PPP1R16A: variants seen among roughly 807,000 people sequenced by gnomAD.
PPP1R16A encodes myosin phosphatase-targeting subunit 3.
In PPP1R16A, 39 loss-of-function variants were observed where a neutral mutation model predicts 46.6. The ratio of observed to expected loss-of-function variants is 0.84; its 90% CI spans 0.65 to 1.09. The LOEUF is 1.09. Among genes scored for constraint, PPP1R16A ranks in the 50% least tolerant of loss-of-function variants. PPP1R16A has a pLI of 0.00. For missense variants in PPP1R16A, 798 were observed against 735.6 expected (o/e 1.08, Z -0.98); for synonymous variants, 413 against 321.5 (o/e 1.28, Z -3.04).
In PPP1R16A at chr8:144,498,847, C is replaced by G. The variant is rs11776723; in HGVS notation, c.330+7C>G. 4 of 1,611,238 alleles carry G rather than the reference C, an allele frequency of 2.5e-6. No individual in the cohort carries two copies. The African/African-American group carries it at 5.3e-5, about 22-fold the overall frequency. ...CCTGACGGCCCTGCACCAGGTCAGCCTGCACTGGGTGTGGGCAGGGTGGGG... is the reference window on the plus strand; with the variant it reads ...CCTGACGGCCCTGCACCAGGTCAGCGTGCACTGGGTGTGGGCAGGGTGGGG... On this transcript the variant is annotated splice_region_variant and intron_variant, in intron 4 of 11. Coordinates refer to ENST00000435887, the MANE Select transcript of PPP1R16A (RefSeq NM_001329443.2).
intron 2 of PPP1R16A, among the ~76,000 whole-genome samples, chr8:144,495,156 G>A (rs1825996982): frequency 6.6e-6 from 1 of 152,198 alleles, no homozygotes; most frequent in Non-Finnish European, 1.5e-5. Context: ...CTGAGGCTAG[G>A]CCTACAGGGG....
In PPP1R16A at chr8:144,501,207, G is replaced by GC; in HGVS notation, c.1117dup (p.Gln373ProfsTer16). The GC allele has an allele frequency of 6.2e-7, 1 of 1,608,762 alleles. No homozygotes were observed. The highest frequency in any genetic ancestry group is 1.3e-5 in the African/African-American group (1 of 74,980). On this transcript the variant is annotated frameshift_variant, in exon 11 of 12. Transcript: ENST00000435887. LOFTEE classifies it high-confidence loss of function. ...AGCACGCCCAGGAGGCCATCGTGTGGCAACAGCCGCCGCCCACCAGCCCGG... is the reference window on the plus strand; with the variant it reads ...AGCACGCCCAGGAGGCCATCGTGTGGCCAACAGCCGCCGCCCACCAGCCCGG...
chr8:144,501,437 C>T (rs1182461843), intron 11 of PPP1R16A, 83 bp from the exon 12 acceptor site: 2 of 1,478,244 alleles, frequency 1.4e-6, no homozygotes, highest in South Asian at 1.4e-5. Flanking sequence ...CCTGTCTGTC[C>T]CTTCATGACC....
rs978084650 is a variant in PPP1R16A at position 144,493,892 on chromosome 8, G to T, written c.-734-2569G>T. ...CCCTGTGAGCCGTGCTGGGTGGGGT[G>T]GGGGAGGTAGAGCCTCCCCGCCCGT... On this transcript the variant is annotated intron_variant, in intron 2 of 11. Transcript: ENST00000435887. This position sits in a 1 kb window ranked among gnomAD's most constrained non-coding sequence, Gnocchi z 4.3. Among the ~76,000 whole-genome samples, 1 of 152,032 alleles carries T rather than the reference G, an allele frequency of 6.6e-6. No homozygotes were observed. The highest frequency in any genetic ancestry group is 6.5e-5 in the Admixed American group (1 of 15,270).
At chr8:144,481,382 C>T (rs1825417529) in intron 1 of PPP1R16A, among the ~76,000 whole-genome samples, 1 of 151,938 alleles carries the variant, frequency 6.6e-6, no homozygotes, top group African/African-American at 2.4e-5. Context: ...GGGGCTCACG[C>T]CTGTAATCCC....
chr8:144,481,423 A>T (rs1586735478), intron 1 of PPP1R16A, among the ~76,000 whole-genome samples: 1 of 151,580 alleles, frequency 6.6e-6, no homozygotes, highest in African/African-American at 2.4e-5. Context: ...CGGGTGGATC[A>T]TCTGAGGTTG....
chr8:144,491,978 A>C (rs1825828449), intron 2 of PPP1R16A, among the ~76,000 whole-genome samples: 1 of 152,238 alleles, frequency 6.6e-6, no homozygotes, highest in Non-Finnish European at 1.5e-5. Flanking sequence ...CAAGTCTTTT[A>C]GTTATAAGTT....
intron 3 of PPP1R16A, 85 bp from the exon 4 acceptor site, chr8:144,498,685 C>A: frequency 7.3e-7 from 1 of 1,361,972 alleles, no homozygotes; most frequent in Non-Finnish European, 1.0e-6. Context: ...TCTTCCTTGT[C>A]CTTCCCTGGG....
At chr8:144,484,162 TG>T (rs1168350261) in intron 1 of PPP1R16A, among the ~76,000 whole-genome samples, 1 of 152,274 alleles carries the variant, frequency 6.6e-6, no homozygotes. Context: ...CTGGCACGTC[TG>T]TCCGCAGGTC....
intron 5 of PPP1R16A, chr8:144,499,507 C>A: frequency 5.2e-6 from 1 of 190,544 alleles, no homozygotes; most frequent in Admixed American, 5.4e-5. Context: ...CCTCCCTTCC[C>A]CTTTGCTCCA....
Position 144,500,845 on chromosome 8 carries a change from T to C in PPP1R16A, c.911T>C (p.Val304Ala), listed in dbSNP as rs1826397788. 6.3e-7 allele frequency: 1 copy of C among 1,580,690 alleles called. No homozygotes were observed. The highest frequency in any genetic ancestry group is 2.3e-5 in the East Asian group (1 of 43,026). ...GACGCCTGCGCCCACTTCTCAGATGTGTGCGGGGACGAGGAGGTGCGGGCC... is the reference window on the plus strand; with the variant it reads ...GACGCCTGCGCCCACTTCTCAGATGCGTGCGGGGACGAGGAGGTGCGGGCC... ...KSLMDETPLD[V>A]CGDEEVRAKL... The change falls in exon 10 of 12, where the codon GTG becomes GCG. Residue 304 changes from valine to alanine, a missense_variant. Transcript: ENST00000435887.
chr8:144,501,527 AC>A lies in PPP1R16A; in HGVS notation c.1215del (p.Glu406LysfsTer10). On this transcript the variant is annotated frameshift_variant, in exon 12 of 12. Coordinates refer to ENST00000435887, the MANE Select transcript of PPP1R16A (RefSeq NM_001329443.2). LOFTEE classifies it low-confidence loss of function (END_TRUNC). ...ELRPPPPEED[N>X]PEVVRPHNGR... Reference sequence around the variant, plus strand: ...GACCTTCACTGCCCGCAGGAGGACAACCCCGAAGTGGTCAGGCCGCACAATG... The same window carrying A: ...GACCTTCACTGCCCGCAGGAGGACAACCCGAAGTGGTCAGGCCGCACAATG... 1 of 1,560,292 alleles carries A rather than the reference AC, an allele frequency of 6.4e-7. No homozygotes were observed. The highest frequency in any genetic ancestry group is 8.7e-7 in the Non-Finnish European group (1 of 1,152,720).
At chr8:144,497,988 G>A (rs1826177326) in intron 3 of PPP1R16A, 3 of 453,938 alleles carry the variant, frequency 6.6e-6, no homozygotes, top group Non-Finnish European at 1.3e-5. Context: ...TGTGCCCCAC[G>A]CTTGCAGCCC....
rs570871499 is a variant in PPP1R16A, at chr8:144,497,738, C to A, written c.259+285C>A. 15 of 550,154 alleles carry A rather than the reference C, an allele frequency of 2.7e-5. No individual in the cohort carries two copies. The South Asian group carries it at 2.8e-4, about 10-fold the overall frequency. The allele number at this position is 550,154 out of a possible 1,614,324, so 34.1% of individuals were successfully genotyped here. ...GAGGTGAGCTGAGGCCATGAGTGGA[C>A]CCCCAGGAGCCTGCAGAAAAACCTA... On this transcript the variant is annotated intron_variant, in intron 3 of 11. Coordinates refer to ENST00000435887, the MANE Select transcript of PPP1R16A (RefSeq NM_001329443.2).
intron 1 of PPP1R16A, among the ~76,000 whole-genome samples, chr8:144,482,655 C>CTTT (rs1192242667): frequency 8.4e-6 from 1 of 118,480 alleles, no homozygotes; most frequent in African/African-American, 3.3e-5. Flanking sequence ...GCCCAGCTAA[C>CTTT]TTTTTTTTTT....
chr8:144,497,267 C>T lies in PPP1R16A; in HGVS notation c.73C>T (p.His25Tyr), dbSNP rs1564766462. The stretch of plus-strand genomic sequence containing the variant: ...GATGAGCACACAGGAGCGGCTGAAG[C>T]ATGCCCAGAAGCGGCGCGCCCAGCA... ...GRMSTQERLKHAQKRRAQQVK... is the reference protein window; with the variant it reads ...GRMSTQERLKYAQKRRAQQVK... Residue 25 changes from histidine to tyrosine, a missense_variant, in exon 3 of 12, where the codon CAT becomes TAT. Physicochemically the swap from His to Tyr is moderately conservative, Grantham distance 83 (BLOSUM62 2). Coordinates refer to ENST00000435887, the MANE Select transcript of PPP1R16A (RefSeq NM_001329443.2). The T allele has an allele frequency of 2.5e-6, 4 of 1,610,124 alleles. No individual in the cohort carries two copies. The highest frequency in any genetic ancestry group is 3.4e-6 in the Non-Finnish European group (4 of 1,178,942).
In PPP1R16A at chr8:144,501,155, C is replaced by T. The variant is rs868763978; in HGVS notation, c.1064C>T (p.Thr355Ile). ...RGKVVRRVSL[T>I]QRTDLYRKQH... ...AAGGTGGTGAGGCGGGTGAGCCTAA[C>T]CCAGCGCACCGACCTGTACCGCAAG... The change falls in exon 11 of 12, where the codon ACC becomes ATC. Residue 355 changes from threonine to isoleucine, a missense_variant. Transcript: ENST00000435887. 1.9e-6 allele frequency: 3 copies of T among 1,610,794 alleles called. No homozygotes were observed. Among genetic ancestry groups the T allele is most frequent in the Non-Finnish European group, 2.5e-6 (3 of 1,179,656 alleles).
At chr8:144,498,877 G>A (rs1826243556) in intron 4 of PPP1R16A, 37 bp downstream of exon 4, 7 of 1,612,362 alleles carry the variant, frequency 4.3e-6, no homozygotes, top group Non-Finnish European at 5.1e-6. Flanking sequence ...GTGGGGGCTG[G>A]CCCCCGTGCT....
At position 144,486,186 on chromosome 8, in the gene PPP1R16A, C is replaced by T. The variant is rs143982441; in HGVS notation, c.-913-3848C>T. ...TTGAGACAGAGCCTCACACTGTTGC[C>T]AGGTTGGAGTGCAGTGGTGTGATCT... On this transcript the variant is annotated intron_variant, in intron 1 of 11. Coordinates refer to ENST00000435887, the MANE Select transcript of PPP1R16A (RefSeq NM_001329443.2). Among the ~76,000 whole-genome samples, 733 of 152,226 alleles carry T rather than the reference C, an allele frequency of 4.8e-3. 6 individuals are homozygous for T. Among genetic ancestry groups the T allele is most frequent in the Admixed American group, 7.7e-3 (118 of 15,294 alleles).
Sources: allele counts gnomAD v4.1 joint callset (sites outside exome capture counted in the v4.1 genomes callset), GRCh38; gene constraint gnomAD v4.1.1; non-coding constraint Gnocchi (gnomAD v3.1); transcripts MANE v1.5; gene names NCBI Gene and HGNC (gene_info 2026-07-23, HGNC 2026-07-21).